Variants in SIK3 observed in about 807,000 individuals in gnomAD.
SIK3 encodes the protein SIK family kinase 3, also known as serine/threonine-protein kinase SIK3.
SIK3 carries 28 observed loss-of-function variants against 144.2 expected under a neutral mutation model. The observed-to-expected ratio is 0.19, with a 90% CI of 0.14 to 0.27. SIK3 has a LOEUF of 0.27. SIK3 is among the 10% of genes least tolerant of loss of function. The probability of loss-of-function intolerance (pLI) is 1.00; values close to 1 mark genes in which losing one functional copy is unlikely to be tolerated. For missense variants in SIK3, 1,319 were observed against 1,776.0 expected, an observed-to-expected ratio of 0.74 and a Z score of 4.62; for synonymous variants, 686 against 676.3, an observed-to-expected ratio of 1.01 and a Z score of -0.22.
At chr11:116,984,001 T>C (rs1950241072) in intron 1 of SIK3, among the ~76,000 whole-genome samples, 1 of 135,696 alleles carries the variant, frequency 7.4e-6, no homozygotes, top group Non-Finnish European at 1.5e-5. Flanking sequence ...CAGTGAGTCA[T>C]GATCATGCCA....
At chr11:116,914,107 A>G (rs1158266543) in intron 4 of SIK3, among the ~76,000 whole-genome samples, 1 of 151,850 alleles carries the variant, frequency 6.6e-6, no homozygotes, top group Non-Finnish European at 1.5e-5. Context: ...AAACAAACAA[A>G]CAAAAAAAAA....
At position 116,858,108 on chromosome 11, in the gene SIK3, G is replaced by A; in HGVS notation, c.3357C>T (p.Val1119=). ...HLLQIRAQEC[V]SQASSPTPPH... The stretch of plus-strand genomic sequence containing the variant: ...GCGGGGTGGGTGAGGAAGCCTGTGA[G>A]ACACATTCTTGTGCCCTGATTTGTA... The change falls in exon 21 of 25, where the codon GTC becomes GTT. Residue 1119 remains valine (V), a synonymous_variant. Coordinates refer to ENST00000445177, the MANE Select transcript of SIK3 (RefSeq NM_001366686.3). This position sits in a 1 kb window ranked among gnomAD's most constrained non-coding sequence, Gnocchi z 5.4. The A allele has an allele frequency of 6.2e-7, 1 of 1,614,214 alleles. No individual in the cohort carries two copies. Among genetic ancestry groups the A allele is most frequent in the Non-Finnish European group, 8.5e-7 (1 of 1,180,024 alleles).
At chr11:116,921,330 G>A (rs1946960615) in intron 4 of SIK3, among the ~76,000 whole-genome samples, 2 of 152,058 alleles carry the variant, frequency 1.3e-5, no homozygotes, top group South Asian at 2.1e-4. Context: ...CATAATTTTG[G>A]TGTTACCAAC....
chr11:117,068,727 C>T (rs1954128698), intron 1 of SIK3, among the ~76,000 whole-genome samples: 1 of 152,336 alleles, frequency 6.6e-6, no homozygotes, highest in East Asian at 1.9e-4. Context: ...GCACTCCAAA[C>T]TGGGTGACAG....
At chr11:116,847,356 G>T in intron 23 of SIK3, 120 bp downstream of exon 23, 1 of 1,368,760 alleles carries the variant, frequency 7.3e-7, no homozygotes, top group Non-Finnish European at 1.0e-6. Context: ...CAGAACCTGT[G>T]GGATGCTGTG....
chr11:116,999,876 T>C (rs1166488970), intron 1 of SIK3, among the ~76,000 whole-genome samples: 1 of 152,236 alleles, frequency 6.6e-6, no homozygotes, highest in Non-Finnish European at 1.5e-5. Context: ...AGGTTGTTGA[T>C]ACATTATTGA....
chr11:116,876,399 A>G (rs1944257449), intron 7 of SIK3, 36 bp from the exon 8 acceptor site: 2 of 1,497,118 alleles, frequency 1.3e-6, no homozygotes, highest in South Asian at 2.3e-5. Flanking sequence ...TCAACCCCCC[A>G]ATTAACCACA....
At chr11:116,887,245 T>TAAAAAAA (rs5795056) in intron 6 of SIK3, among the ~76,000 whole-genome samples, 1 of 103,642 alleles carries the variant, frequency 9.6e-6, no homozygotes, top group East Asian at 2.9e-4. Context: ...GTCTCTACAC[T>TAAAAAAA]AAAAAAAAAA....
chr11:116,941,710 A>C (rs1948315345), intron 3 of SIK3, among the ~76,000 whole-genome samples: 1 of 152,228 alleles, frequency 6.6e-6, no homozygotes, highest in Non-Finnish European at 1.5e-5. Flanking sequence ...TACACATTTC[A>C]ACAGACTCCT....
chr11:117,072,061 T>C (rs1410582386), intron 1 of SIK3, among the ~76,000 whole-genome samples: 1 of 151,960 alleles, frequency 6.6e-6, no homozygotes, highest in Admixed American at 6.6e-5. Context: ...GTTCGCCAAA[T>C]GAGGTTTAAT....
chr11:116,996,529 C>T (rs1950672197), intron 1 of SIK3, among the ~76,000 whole-genome samples: 1 of 151,932 alleles, frequency 6.6e-6, no homozygotes, highest in Admixed American at 6.6e-5. Context: ...AAAAATATGA[C>T]AGTTCTCAGG....
intron 1 of SIK3, among the ~76,000 whole-genome samples, chr11:116,997,421 A>C (rs11216221): frequency 0.16 from 24,667 of 152,214 alleles, 2,125 homozygotes; most frequent in Admixed American, 0.21. Flanking sequence ...CACTAAATGC[A>C]TATCTACATC....
At chr11:116,938,229 G>A (rs1236510762) in intron 3 of SIK3, among the ~76,000 whole-genome samples, 37 of 95,140 alleles carry the variant, frequency 3.9e-4, no homozygotes, top group East Asian at 6.9e-4. Context: ...GGAGGGGAGG[G>A]GAGGGGAGGG....
chr11:116,872,361 C>A (rs989326521), intron 13 of SIK3, among the ~76,000 whole-genome samples: 23 of 152,226 alleles, frequency 1.5e-4, no homozygotes, highest in Non-Finnish European at 2.8e-4. Context: ...ACCTGTCTTG[C>A]CCATCTCTGA....
chr11:116,857,363 A>G (rs1943008431), intron 21 of SIK3: 1 of 178,570 alleles, frequency 5.6e-6, no homozygotes, highest in African/African-American at 2.4e-5. Context: ...AGATGAGGAA[A>G]ATCAGAATCA....
chr11:117,039,086 A>G (rs1034790850), intron 1 of SIK3, among the ~76,000 whole-genome samples: 4 of 152,052 alleles, frequency 2.6e-5, no homozygotes, highest in African/African-American at 7.2e-5. Flanking sequence ...ACATTCACGG[A>G]GCATCTTTAG....
Position 116,863,743 on chromosome 11 carries a change from C to T in SIK3, c.2028G>A (p.Gly676=). ...RFSPVRRFSD[G]AASIQAFKAH... ...CTTTGAAGGCCTGGATGCTCGCAGC[C>T]CCATCTGAGAACCGGCGCACAGGGG... Residue 676 remains glycine, a synonymous_variant, in exon 16 of 25, where the codon GGG becomes GGA. Transcript: ENST00000445177. 6.2e-7 allele frequency: 1 copy of T among 1,614,114 alleles called. No homozygotes were observed. The highest frequency in any genetic ancestry group is 8.5e-7 in the Non-Finnish European group (1 of 1,180,030).
At chr11:116,909,193 AT>A (rs1946208044) in intron 4 of SIK3, among the ~76,000 whole-genome samples, 1 of 152,182 alleles carries the variant, frequency 6.6e-6, no homozygotes. Flanking sequence ...TTCATGTATC[AT>A]TCAAAACAAG....
chr11:117,023,198 C>T (rs1015771166), intron 1 of SIK3, among the ~76,000 whole-genome samples: 9 of 152,072 alleles, frequency 5.9e-5, no homozygotes, highest in Non-Finnish European at 1.0e-4. Context: ...AAATATGGCA[C>T]TTTGACATGC....
Sources: gnomAD v4.1 joint callset for allele counts (sites outside exome capture counted in the v4.1 genomes callset) on GRCh38, gnomAD v4.1.1 for gene constraint, Gnocchi (gnomAD v3.1) non-coding constraint, MANE v1.5 for transcripts, NCBI Gene and HGNC (gene_info 2026-07-23, HGNC 2026-07-21) for gene names.